The following NUCB1 variants were observed in gnomAD, a reference collection of about 807,000 sequenced individuals.
The protein encoded by NUCB1 is nucleobindin-1.
NUCB1 carries 47 observed loss-of-function variants against 61.2 expected under a neutral mutation model. That is an observed-to-expected ratio of 0.77 (90% CI 0.61 to 0.98). The LOEUF is 0.98. Among genes scored for constraint, NUCB1 ranks in the 50% least tolerant of loss-of-function variants. NUCB1 has a pLI of 0.00. For synonymous variants in NUCB1, 234 were observed against 243.1 expected (o/e 0.96, Z 0.35); for missense variants, 583 against 605.3 (o/e 0.96, Z 0.39).
chr19:48,919,928 C>T (rs928652481), intron 10 of NUCB1, among the ~76,000 whole-genome samples: 5 of 152,030 alleles, frequency 3.3e-5, no homozygotes, highest in Non-Finnish European at 7.4e-5. Flanking sequence ...GCCACCATGC[C>T]TGGCTAATTT....
At chr19:48,909,069 G>A (rs2037444674) in intron 4 of NUCB1, among the ~76,000 whole-genome samples, 1 of 151,942 alleles carries the variant, frequency 6.6e-6, no homozygotes, top group Non-Finnish European at 1.5e-5. Context: ...AGAGTCCAAA[G>A]TGAAAGTATT....
chr19:48,910,906 G>C (rs905815653), intron 4 of NUCB1: 6 of 402,392 alleles, frequency 1.5e-5, no homozygotes, highest in Non-Finnish European at 2.3e-5. Flanking sequence ...AAAGTGCTTA[G>C]GGCATGGCCT....
At chr19:48,918,619 C>T in intron 7 of NUCB1, 107 bp from the exon 8 acceptor site, 1 of 857,998 alleles carries the variant, frequency 1.2e-6, no homozygotes, top group Non-Finnish European at 2.0e-6. Flanking sequence ...CCGTAGTTAC[C>T]TGTCCTCTGA....
chr19:48,913,403 A>G (rs1167562642), intron 6 of NUCB1, 71 bp from the exon 7 acceptor site: 61 of 1,382,190 alleles, frequency 4.4e-5, no homozygotes, highest in Non-Finnish European at 6.1e-5. Flanking sequence ...GATGAGGGTA[A>G]AGGGATATTT....
At chr19:48,905,094 G>A in intron 3 of NUCB1, among the ~76,000 whole-genome samples, 1 of 152,208 alleles carries the variant, frequency 6.6e-6, no homozygotes, top group Non-Finnish European at 1.5e-5. Context: ...TTCGGATTTG[G>A]ATTTTCCAAG....
chr19:48,917,969 A>G (rs2037560290), intron 7 of NUCB1, among the ~76,000 whole-genome samples: 1 of 151,976 alleles, frequency 6.6e-6, no homozygotes, highest in South Asian at 2.1e-4. Flanking sequence ...TAATCAATTT[A>G]CATTTAAACA....
At chr19:48,900,596 T>C in intron 1 of NUCB1, 190 bp from the exon 2 acceptor site, 1 of 707,440 alleles carries the variant, frequency 1.4e-6, no homozygotes, top group Non-Finnish European at 2.3e-6. Context: ...CCCCTGGGTC[T>C]GAGGGCCCAG....
intron 5 of NUCB1, 68 bp downstream of exon 5, chr19:48,911,320 T>A: frequency 1.8e-6 from 2 of 1,109,886 alleles, no homozygotes; most frequent in Non-Finnish European, 2.7e-6. Flanking sequence ...GGGGACAGAG[T>A]CCCAGACGTG....
At position 48,922,881 on chromosome 19, in the gene NUCB1, TC is replaced by T. The variant is rs2037627911; in HGVS notation, c.*460del. ...GTTGATTAATGAGGGCATGGGGTGG[TC>T]CCTCAAGACCTTCCCCTACCTTTTG... On this transcript the variant is annotated 3_prime_UTR_variant, in exon 13 of 13. Coordinates refer to ENST00000405315, the MANE Select transcript of NUCB1 (RefSeq NM_006184.6). 1 of 165,718 alleles carries T rather than the reference TC, an allele frequency of 6.0e-6. No homozygotes were observed. Among genetic ancestry groups the T allele is most frequent in the African/African-American group, 2.4e-5 (1 of 41,702 alleles). 10.3% of individuals were successfully genotyped at this position (165,718 alleles called of 1,614,324 possible).
At chr19:48,921,566 G>A (rs1370053921) in intron 11 of NUCB1, among the ~76,000 whole-genome samples, 2 of 152,180 alleles carry the variant, frequency 1.3e-5, no homozygotes, top group East Asian at 3.8e-4. Context: ...AGGAGGGGGA[G>A]AAAGGCAGAC....
Position 48,922,768 on chromosome 19 carries a change from G to A in NUCB1, c.*344G>A, listed in dbSNP as rs954359872. Reference sequence around the variant, plus strand: ...TGAGCCTGCGTTCCTAGGTGGCTCGGCCTCAGCTGCCTGGGTTGTGGCCGC... The same window carrying A: ...TGAGCCTGCGTTCCTAGGTGGCTCGACCTCAGCTGCCTGGGTTGTGGCCGC... On this transcript the variant is annotated 3_prime_UTR_variant, in exon 13 of 13. Coordinates refer to ENST00000405315, the MANE Select transcript of NUCB1 (RefSeq NM_006184.6). The A allele has an allele frequency of 1.3e-5, 3 of 232,746 alleles. No homozygotes were observed. The highest frequency in any genetic ancestry group is 5.9e-5 in the South Asian group (1 of 16,918). The allele number at this position is 232,746 out of a possible 1,614,324, so 14.4% of individuals were successfully genotyped here.
chr19:48,911,554 T>C (rs2037474152), intron 5 of NUCB1, among the ~76,000 whole-genome samples: 1 of 151,848 alleles, frequency 6.6e-6, no homozygotes, highest in South Asian at 2.1e-4. Context: ...TACAGGTGCC[T>C]GCCGTCACGC....
At chr19:48,919,453 T>TTATTTATG (rs59085789) in intron 10 of NUCB1, among the ~76,000 whole-genome samples, 167 bp downstream of exon 10, 9 of 72,254 alleles carry the variant, frequency 1.2e-4, no homozygotes, top group Admixed American at 2.5e-4. Context: ...TCTAGGACTC[T>TTATTTATG]TATTTATTTA....
intron 1 of NUCB1, 106 bp from the exon 2 acceptor site, chr19:48,900,666 AATGCTTGTGTCTTG>A: frequency 7.4e-7 from 1 of 1,348,204 alleles, no homozygotes. Flanking sequence ...TGGGTAACAA[AATGCTTGTGTCTTG>A]ATTCTTGGAA....
At chr19:48,912,964 G>A (rs758567756) in intron 5 of NUCB1, 47 bp from the exon 6 acceptor site, 1 of 1,484,034 alleles carries the variant, frequency 6.7e-7, no homozygotes, top group South Asian at 1.3e-5. Context: ...TGGAATTGGG[G>A]GCTGGGCAGA....
At chr19:48,912,195 T>A (rs939685502) in intron 5 of NUCB1, among the ~76,000 whole-genome samples, 1 of 151,766 alleles carries the variant, frequency 6.6e-6, no homozygotes, top group Non-Finnish European at 1.5e-5. Context: ...AGGCTAATTT[T>A]AAAAATTTTT....
intron 7 of NUCB1, among the ~76,000 whole-genome samples, chr19:48,916,171 CGTGTGT>C (rs143557740): frequency 3.4e-5 from 5 of 147,698 alleles, no homozygotes; most frequent in Non-Finnish European, 6.0e-5. Flanking sequence ...TGGTATTTGT[CGTGTGT>C]GTGTGTGTGT....
At chr19:48,918,942 G>T (rs890637557) in intron 8 of NUCB1, 88 bp from the exon 9 acceptor site, 2 of 1,405,266 alleles carry the variant, frequency 1.4e-6, no homozygotes, top group Admixed American at 1.9e-5. Context: ...GTGGTAGCGT[G>T]CCCAAAGGAC....
chr19:48,913,390 T>C, intron 6 of NUCB1, 84 bp from the exon 7 acceptor site: 1 of 1,313,526 alleles, frequency 7.6e-7, no homozygotes. Flanking sequence ...ATGATGTTTG[T>C]TGGATGAGGG....
Sources: allele counts gnomAD v4.1 joint callset (sites outside exome capture counted in the v4.1 genomes callset), GRCh38; gene constraint gnomAD v4.1.1; transcripts MANE v1.5; gene names NCBI Gene and HGNC (gene_info 2026-07-23, HGNC 2026-07-21).